Variants in COL22A1 observed in about 807,000 individuals in gnomAD.
The protein encoded by COL22A1 is collagen alpha-1(XXII) chain.
COL22A1 carries 221 observed loss-of-function variants against 248.9 expected under a neutral mutation model. The ratio of observed to expected loss-of-function variants is 0.89; its 90% confidence interval spans 0.80 to 0.99. The LOEUF (loss-of-function observed/expected upper bound fraction) is 0.99, where lower values mean the gene tolerates loss of function less well. Among genes scored for constraint, COL22A1 ranks in the 50% least tolerant of loss-of-function variants. The pLI, the probability that COL22A1 is intolerant of heterozygous loss-of-function variation, is 0.00. For synonymous variants in COL22A1, 891 were observed against 793.4 expected (o/e 1.12, Z -2.07); for missense variants, 2,240 against 2,179.0 (o/e 1.03, Z -0.56).
chr8:138,611,475 T>C (rs1044642342), intron 56 of COL22A1, among the ~76,000 whole-genome samples: 7 of 152,298 alleles, frequency 4.6e-5, no homozygotes, highest in South Asian at 2.1e-4. Flanking sequence ...ACCACCCCAC[T>C]CCTGGGGGGC....
intron 16 of COL22A1, among the ~76,000 whole-genome samples, chr8:138,774,421 T>C (rs1455392327): frequency 6.6e-6 from 1 of 150,860 alleles, no homozygotes; most frequent in Admixed American, 6.6e-5. Context: ...CATTCTTTTT[T>C]TTTTTTTTTT....
chr8:138,758,867 C>T (rs1324921956), intron 18 of COL22A1, among the ~76,000 whole-genome samples: 3 of 152,046 alleles, frequency 2.0e-5, no homozygotes, highest in African/African-American at 4.8e-5. Flanking sequence ...AGGGCCAAAC[C>T]CAATCTCTAA....
In COL22A1 at chr8:138,692,274, GT is replaced by G. The variant is rs1827110228; in HGVS notation, c.2754+1371del. Among the ~76,000 whole-genome samples, 3 of 144,154 alleles carry G rather than the reference GT, an allele frequency of 2.1e-5. 1 individual carries two copies. The highest frequency in any genetic ancestry group is 4.6e-5 in the Non-Finnish European group (3 of 65,460). The allele number at this position is 144,154 out of a possible 152,430, so 94.6% of individuals were successfully genotyped here. On this transcript the variant is annotated intron_variant, in intron 35 of 64. Transcript: ENST00000303045. ...TATGTGTGCGTGTGTGCATGTTTGT[GT>G]GCACATGCATGTGTGCATGTTTGCG...
At chr8:138,629,276 C>A (rs542032098) in intron 50 of COL22A1, among the ~76,000 whole-genome samples, 63 of 152,278 alleles carry the variant, frequency 4.1e-4, no homozygotes, top group African/African-American at 1.4e-3. Context: ...CCTGCTTCAG[C>A]CTCCCAAGTA....
At chr8:138,608,253 G>T (rs1208879567) in intron 56 of COL22A1, among the ~76,000 whole-genome samples, 2 of 152,218 alleles carry the variant, frequency 1.3e-5, no homozygotes, top group African/African-American at 2.4e-5. Flanking sequence ...GGTGCCCACA[G>T]CTGAGGCATA....
chr8:138,788,938 A>T (rs1815790872), intron 12 of COL22A1, among the ~76,000 whole-genome samples: 1 of 152,226 alleles, frequency 6.6e-6, no homozygotes, highest in Non-Finnish European at 1.5e-5. Context: ...ACCCACTGTT[A>T]CACAGCTGCT....
intron 16 of COL22A1, among the ~76,000 whole-genome samples, chr8:138,772,778 G>C (rs1365332901): frequency 6.6e-6 from 1 of 152,160 alleles, no homozygotes; most frequent in Non-Finnish European, 1.5e-5. Flanking sequence ...CAGGAGAATT[G>C]CTTGGACCCG....
intron 5 of COL22A1, among the ~76,000 whole-genome samples, chr8:138,828,470 A>T (rs185121769): frequency 2.1e-4 from 32 of 152,286 alleles, no homozygotes; most frequent in African/African-American, 7.2e-4. Flanking sequence ...TCCTATCAAA[A>T]TAAAGTTTAG....
At chr8:138,862,349 C>T (rs564599691) in intron 3 of COL22A1, among the ~76,000 whole-genome samples, 10 of 152,170 alleles carry the variant, frequency 6.6e-5, no homozygotes, top group Non-Finnish European at 1.3e-4. Context: ...GGCCTCTGTC[C>T]GTGCCCCACT....
chr8:138,660,969 C>T (rs1446857349), intron 43 of COL22A1, among the ~76,000 whole-genome samples: 1 of 50,096 alleles, frequency 2.0e-5, no homozygotes, highest in African/African-American at 4.5e-5. Flanking sequence ...CACACGCACA[C>T]ACACATACAC....
intron 6 of COL22A1, among the ~76,000 whole-genome samples, chr8:138,825,059 C>G (rs1204794597): frequency 6.6e-6 from 1 of 152,130 alleles, no homozygotes; most frequent in Non-Finnish European, 1.5e-5. Flanking sequence ...GCAGGCTCAC[C>G]CACAAGAATG....
chr8:138,834,142 C>T (rs1483218152), intron 4 of COL22A1, among the ~76,000 whole-genome samples: 7 of 152,118 alleles, frequency 4.6e-5, no homozygotes, highest in Admixed American at 4.6e-4. Context: ...GACTCAACAC[C>T]CGCCTGAAAC....
intron 1 of COL22A1, among the ~76,000 whole-genome samples, chr8:138,895,263 A>T (rs1055472802): frequency 1.3e-5 from 2 of 152,088 alleles, no homozygotes; most frequent in African/African-American, 4.8e-5. Flanking sequence ...ATACAACTGA[A>T]AGTAACTTAT....
At position 138,751,517 on chromosome 8, in the gene COL22A1, G is replaced by T; in HGVS notation, c.2032-6C>A. ...CCTTCTGGGCCTATTGGACCCTTTAGGAGGGAGAAAAAGGAAAAAGAGAGA... is the reference window on the plus strand; with the variant it reads ...CCTTCTGGGCCTATTGGACCCTTTATGAGGGAGAAAAAGGAAAAAGAGAGA... On this transcript the variant is annotated splice_polypyrimidine_tract_variant and splice_region_variant and intron_variant, in intron 21 of 64. Coordinates refer to ENST00000303045, the MANE Select transcript of COL22A1 (RefSeq NM_152888.3). 1.2e-6 allele frequency: 2 copies of T among 1,606,614 alleles called. No individual in the cohort carries two copies. Among genetic ancestry groups the T allele is most frequent in the Admixed American group, 1.7e-5 (1 of 59,242 alleles).
rs577764688 is a variant in COL22A1, at chr8:138,866,790, T to A, written c.658+10960A>T. 2.6e-4 allele frequency among the ~76,000 whole-genome samples: 39 copies of A among 149,868 alleles called. 1 individual carries two copies. The South Asian group carries it at 8.0e-3, about 31-fold the overall frequency. On this transcript the variant is annotated intron_variant, in intron 3 of 64. Coordinates refer to ENST00000303045, the MANE Select transcript of COL22A1 (RefSeq NM_152888.3). ...AACCTAGGAGGGTGTAATGGTTTTT[T>A]AAGAATACATGGCTAACCTCTAAAA...
intron 47 of COL22A1, among the ~76,000 whole-genome samples, chr8:138,641,394 G>A (rs563618867): frequency 6.6e-6 from 1 of 152,102 alleles, no homozygotes; most frequent in African/African-American, 2.4e-5. Context: ...AAATAAAAAC[G>A]CTTTTCGTAG....
chr8:138,715,659 G>C (rs745944069), intron 30 of COL22A1, 23 bp downstream of exon 30: 6 of 1,591,076 alleles, frequency 3.8e-6, no homozygotes, highest in Non-Finnish European at 5.2e-6. Flanking sequence ...TTGATGGTCA[G>C]AATGAGAGCA....
chr8:138,664,685 T>A (rs1416177693), intron 41 of COL22A1, among the ~76,000 whole-genome samples: 1 of 152,058 alleles, frequency 6.6e-6, no homozygotes, highest in African/African-American at 2.4e-5. Context: ...GGCTGTGGAG[T>A]CTGCATTCTT....
chr8:138,846,305 TTCTA>T (rs1317510016), intron 3 of COL22A1, among the ~76,000 whole-genome samples: 14 of 152,270 alleles, frequency 9.2e-5, no homozygotes, highest in East Asian at 1.9e-4. Context: ...ACTCAGAAGG[TTCTA>T]TCTATCTTTG....
Sources: gnomAD v4.1 joint callset for allele counts (sites outside exome capture counted in the v4.1 genomes callset) on GRCh38, gnomAD v4.1.1 for gene constraint, MANE v1.5 for transcripts, NCBI Gene and HGNC (gene_info 2026-07-23, HGNC 2026-07-21) for gene names.